The following ACVR1B variants were observed in gnomAD, a reference collection of about 807,000 sequenced individuals.
ACVR1B encodes the protein activin receptor type-1B.
A neutral mutation model predicts 55.6 loss-of-function variants in ACVR1B; 15 were observed. The observed-to-expected ratio is 0.27, with a 90% CI of 0.18 to 0.42. The LOEUF (loss-of-function observed/expected upper bound fraction) is 0.42. Among genes scored for constraint, ACVR1B ranks in the 10% least tolerant of loss-of-function variants. ACVR1B has a pLI of 1.00. For missense variants in ACVR1B, 359 were observed against 670.1 expected (o/e 0.54, Z 5.13); for synonymous variants, 247 against 254.6 (o/e 0.97, Z 0.28).
At position 51,975,262 on chromosome 12, in the gene ACVR1B, C is replaced by T. The variant is rs2120596510; in HGVS notation, c.92-3C>T. On this transcript the variant is annotated splice_region_variant and splice_polypyrimidine_tract_variant and intron_variant, in intron 1 of 8. Coordinates refer to ENST00000257963, the MANE Select transcript of ACVR1B (RefSeq NM_004302.5). ...TCAATGTCTGCTCCCCAATTTCCTGCAGCTCTGCTGTGTGCGTGCACCAGC... is the reference window on the plus strand; with the variant it reads ...TCAATGTCTGCTCCCCAATTTCCTGTAGCTCTGCTGTGTGCGTGCACCAGC... The T allele has an allele frequency of 6.2e-7, 1 of 1,606,512 alleles. No homozygotes were observed. The highest frequency in any genetic ancestry group is 8.5e-7 in the Non-Finnish European group (1 of 1,176,188).
chr12:51,953,032 G>A (rs943664954), intron 1 of ACVR1B, among the ~76,000 whole-genome samples: 2 of 152,124 alleles, frequency 1.3e-5, no homozygotes, highest in African/African-American at 4.8e-5. Flanking sequence ...CCTTGGGGTA[G>A]CAGATGAAGG....
chr12:51,986,443 A>G lies in ACVR1B; in HGVS notation c.1137-375A>G, dbSNP rs182068782. Among the ~76,000 whole-genome samples the G allele has an allele frequency of 5.0e-4, 76 of 152,220 alleles. 1 individual carries two copies. The East Asian group carries it at 6.4e-3, about 13-fold the overall frequency. ...CTGGCTAATTTTTTGTATTTGTAATAGAGATGGGGTTTCGCGATGTTGGCC... is the reference window on the plus strand; with the variant it reads ...CTGGCTAATTTTTTGTATTTGTAATGGAGATGGGGTTTCGCGATGTTGGCC... On this transcript the variant is annotated intron_variant, in intron 6 of 8. Transcript: ENST00000257963.
At chr12:51,992,043 T>C in intron 8 of ACVR1B, 50 bp downstream of exon 8, 1 of 1,613,740 alleles carries the variant, frequency 6.2e-7, no homozygotes, top group Non-Finnish European at 8.5e-7. Flanking sequence ...TTTCTCCACC[T>C]TAGAAAAGGG....
rs148254270 is a variant in ACVR1B, at chr12:51,991,967, A to G, written c.1366A>G (p.Ile456Val). 143 of 1,614,206 alleles carry G rather than the reference A, an allele frequency of 8.9e-5. No individual in the cohort carries two copies. In the African/African-American group the frequency reaches 1.7e-3, roughly 19 times the overall value. ...ATGTGATCAGAAGCTGCGTCCCAAC[A>G]TCCCCAACTGGTGGCAGAGTTATGA... ...VVCDQKLRPNIPNWWQSYEAL... is the reference protein window; with the variant it reads ...VVCDQKLRPNVPNWWQSYEAL... The change falls in exon 8 of 9, where the codon ATC (isoleucine) becomes GTC (valine). Residue 456 changes from isoleucine to valine, a missense_variant. Around this residue, in one of 5 missense-constraint regions of ACVR1B, gnomAD observed 53 missense variants for 78.5 expected, o/e 0.68. Coordinates refer to ENST00000257963, the MANE Select transcript of ACVR1B (RefSeq NM_004302.5).
intron 1 of ACVR1B, among the ~76,000 whole-genome samples, chr12:51,955,565 G>T (rs998702460): frequency 1.3e-5 from 2 of 152,168 alleles, no homozygotes; most frequent in African/African-American, 4.8e-5. Context: ...ATTTTTGAAG[G>T]TTAAATTAGA....
intron 1 of ACVR1B, chr12:51,953,312 A>G (rs1179469787): frequency 1.0e-6 from 1 of 984,884 alleles, no homozygotes; most frequent in Non-Finnish European, 1.2e-6. Context: ...AAACAAGTTC[A>G]TTATCTCCGG....
intron 1 of ACVR1B, chr12:51,959,952 C>T (rs1310164848): frequency 6.6e-6 from 1 of 151,646 alleles, no homozygotes; most frequent in Non-Finnish European, 1.5e-5. Context: ...CACCTTGCCC[C>T]ACATCCTTGT....
At chr12:51,992,749 G>A (rs1942217858) in intron 8 of ACVR1B, among the ~76,000 whole-genome samples, 1 of 152,198 alleles carries the variant, frequency 6.6e-6, no homozygotes, top group Non-Finnish European at 1.5e-5. Context: ...GAGGTGATGT[G>A]TATGACAGGG....
At chr12:51,966,642 T>A (rs1044730900) in intron 1 of ACVR1B, among the ~76,000 whole-genome samples, 6 of 152,070 alleles carry the variant, frequency 3.9e-5, no homozygotes, top group Admixed American at 1.3e-4. Context: ...AGAGACAGGG[T>A]CTCACTGTGT....
chr12:51,982,032 ATC>A (rs1405892111), intron 4 of ACVR1B, among the ~76,000 whole-genome samples: 2 of 152,098 alleles, frequency 1.3e-5, no homozygotes, highest in African/African-American at 4.8e-5. Flanking sequence ...TAGTTTTTGA[ATC>A]TCTTATGTGC....
chr12:51,968,734 GCCTAAGCTAA>G (rs1941690121), intron 1 of ACVR1B, among the ~76,000 whole-genome samples: 1 of 152,056 alleles, frequency 6.6e-6, no homozygotes, highest in Admixed American at 6.6e-5. Context: ...GCTATGAGGA[GCCTAAGCTAA>G]CCTAAGCTAA....
intron 1 of ACVR1B, among the ~76,000 whole-genome samples, chr12:51,969,207 A>G (rs1311210855): frequency 6.6e-6 from 1 of 152,204 alleles, no homozygotes; most frequent in Non-Finnish European, 1.5e-5. Flanking sequence ...TGGTTGTTCT[A>G]TGCCACAAGT....
intron 4 of ACVR1B, among the ~76,000 whole-genome samples, chr12:51,983,566 T>C (rs1325070632): frequency 6.6e-6 from 1 of 152,210 alleles, no homozygotes; most frequent in Non-Finnish European, 1.5e-5. Context: ...CCTCCAAGGC[T>C]TTCCTGTTTG....
At chr12:51,963,947 T>A (rs1941590070) in intron 1 of ACVR1B, among the ~76,000 whole-genome samples, 1 of 152,222 alleles carries the variant, frequency 6.6e-6, no homozygotes. Flanking sequence ...TCACCAACAC[T>A]TATTAAATTT....
chr12:51,975,844 G>A (rs534564257), intron 2 of ACVR1B, among the ~76,000 whole-genome samples: 2 of 152,334 alleles, frequency 1.3e-5, no homozygotes, highest in South Asian at 4.1e-4. Flanking sequence ...GAGCAAAGGT[G>A]ACTCCTCAAG....
At chr12:51,977,209 G>C (rs1289769448) in intron 3 of ACVR1B, among the ~76,000 whole-genome samples, 2 of 152,300 alleles carry the variant, frequency 1.3e-5, no homozygotes, top group East Asian at 1.9e-4. Flanking sequence ...TAAGATAAAG[G>C]AGCTCGGGGT....
At chr12:51,955,401 C>T (rs949852181) in intron 1 of ACVR1B, among the ~76,000 whole-genome samples, 6 of 152,214 alleles carry the variant, frequency 3.9e-5, no homozygotes, top group African/African-American at 7.2e-5. Context: ...AACGATGAGA[C>T]GTGCTGCTTC....
Position 51,994,314 on chromosome 12 carries a change from A to C in ACVR1B, c.*204A>C. ...AGACACCTTTTCTATTTACCTCCTA[A>C]TGGCATGGAGACTCTGAGAGCGAAT... On this transcript the variant is annotated 3_prime_UTR_variant, in exon 9 of 9. Coordinates refer to ENST00000257963, the MANE Select transcript of ACVR1B (RefSeq NM_004302.5). This position sits in a 1 kb window ranked among gnomAD's most constrained non-coding sequence, Gnocchi z 4.2. The C allele has an allele frequency of 1.6e-5, 9 of 576,904 alleles. No individual in the cohort carries two copies. Among genetic ancestry groups the C allele is most frequent in the East Asian group, 3.3e-5 (1 of 30,166 alleles). 35.7% of individuals were successfully genotyped at this position (576,904 alleles called of 1,614,324 possible). A position where few individuals can be genotyped will look rare whatever the true frequency, so the allele number is the denominator to read the frequency against.
chr12:51,956,188 C>G (rs772835511), intron 1 of ACVR1B, among the ~76,000 whole-genome samples: 2 of 152,182 alleles, frequency 1.3e-5, no homozygotes, highest in African/African-American at 2.4e-5. Flanking sequence ...TTAGGCAACT[C>G]TGGGCTTTTT....
Sources: allele counts gnomAD v4.1 joint callset (sites outside exome capture counted in the v4.1 genomes callset), GRCh38; gene constraint gnomAD v4.1.1; regional missense constraint gnomAD v4.1.1; non-coding constraint Gnocchi (gnomAD v3.1); transcripts MANE v1.5; gene names NCBI Gene and HGNC (gene_info 2026-07-23, HGNC 2026-07-21).